DGKB: variants seen among roughly 807,000 people sequenced by gnomAD.
The protein encoded by DGKB is diacylglycerol kinase beta.
Under a neutral mutation model 114.3 loss-of-function variants are expected in DGKB, and 67 were observed. That is an observed-to-expected ratio of 0.59 (90% confidence interval 0.48 to 0.72). The LOEUF (loss-of-function observed/expected upper bound fraction) is 0.72, where lower values mean the gene tolerates loss of function less well. DGKB is among the 30% of genes least tolerant of loss of function. The pLI is 0.00. For missense variants in DGKB, 907 were observed against 975.2 expected (o/e 0.93, Z 0.93); for synonymous variants, 398 against 323.1 (o/e 1.23, Z -2.49).
intron 20 of DGKB, among the ~76,000 whole-genome samples, chr7:14,538,299 A>G (rs1190594141): frequency 4.6e-5 from 7 of 152,066 alleles, no homozygotes; most frequent in Non-Finnish European, 8.8e-5. Flanking sequence ...AAACAACAAA[A>G]TAACCCAGTT....
rs1389915155 is a variant in DGKB at position 14,943,382 on chromosome 7, G to T, written c.-188+31314C>A. On this transcript the variant is annotated intron_variant, in intron 1 of 4. Transcript: ENST00000437998. ...GTCATATTGACATAATAAAACAAAC[G>T]AAGTGTACAATAGATAAAATGATTA... Among the ~76,000 whole-genome samples, 3 of 151,646 alleles carry T rather than the reference G, an allele frequency of 2.0e-5. No individual in the cohort carries two copies. The East Asian group carries it at 5.8e-4, about 29-fold the overall frequency.
chr7:14,410,774 T>C (rs758027776), intron 21 of DGKB, among the ~76,000 whole-genome samples: 1 of 141,740 alleles, frequency 7.1e-6, no homozygotes, highest in Non-Finnish European at 1.5e-5. Context: ...AATGATATTT[T>C]AAAAATTGTA....
chr7:14,181,479 T>C (rs1215563658), intron 23 of DGKB, among the ~76,000 whole-genome samples: 3 of 152,224 alleles, frequency 2.0e-5, no homozygotes, highest in African/African-American at 4.8e-5. Flanking sequence ...CCACAATCCA[T>C]TGGTTATTTA....
At chr7:14,439,796 A>C (rs948809993) in intron 21 of DGKB, among the ~76,000 whole-genome samples, 27 of 150,160 alleles carry the variant, frequency 1.8e-4, no homozygotes, top group African/African-American at 6.6e-4. Flanking sequence ...CCTGGGAGAC[A>C]GAAGTTTCAG....
At position 14,670,336 on chromosome 7, in the gene DGKB, T is replaced by C. The variant is rs928764260; in HGVS notation, c.1134+2593A>G. 2.6e-5 allele frequency among the ~76,000 whole-genome samples: 4 copies of C among 151,604 alleles called. No homozygotes were observed. In the East Asian group the frequency reaches 7.8e-4, roughly 30 times the overall value. ...ATTTTTTTTTGAGACAGAGTCTCAC[T>C]CTGTCACTCAGTCTGGAGTGCAGTG... On this transcript the variant is annotated intron_variant, in intron 13 of 25. Transcript: ENST00000402815.
intron 1 of DGKB, among the ~76,000 whole-genome samples, chr7:14,956,059 A>T (rs2115251641): frequency 1.3e-5 from 2 of 152,110 alleles, no homozygotes; most frequent in Middle Eastern, 6.8e-3. Context: ...CGTGATAACA[A>T]GGTGTATCAA....
intron 2 of DGKB, among the ~76,000 whole-genome samples, chr7:14,769,395 G>A (rs1837075521): frequency 6.6e-6 from 1 of 151,980 alleles, no homozygotes; most frequent in African/African-American, 2.4e-5. Context: ...AATGTGTAAG[G>A]CTAAAGCAGT....
At chr7:14,592,173 T>A (rs992581272) in intron 17 of DGKB, among the ~76,000 whole-genome samples, 2 of 151,830 alleles carry the variant, frequency 1.3e-5, no homozygotes, top group Non-Finnish European at 2.9e-5. Flanking sequence ...GTGAGAGTCA[T>A]AAATATTTTC....
chr7:14,471,766 G>C (rs1563260534), intron 21 of DGKB, among the ~76,000 whole-genome samples: 1 of 151,782 alleles, frequency 6.6e-6, no homozygotes, highest in Non-Finnish European at 1.5e-5. Context: ...AAACTATAAA[G>C]GTAGTAAGAT....
At chr7:14,908,215 A>C, upstream of DGKB, among the ~76,000 whole-genome samples, 1 of 152,120 alleles carries the variant, frequency 6.6e-6, no homozygotes, top group East Asian at 1.9e-4. Flanking sequence ...TTGTGATTTT[A>C]TTTTATTTTT....
chr7:14,782,461 T>G (rs1390436581), intron 2 of DGKB, among the ~76,000 whole-genome samples: 8 of 152,248 alleles, frequency 5.3e-5, no homozygotes, highest in Admixed American at 1.3e-4. Context: ...GTGATAATTT[T>G]ATTTTTTTCA....
chr7:14,650,896 G>A lies in DGKB; in HGVS notation c.1135-20628C>T, dbSNP rs546815188. Among the ~76,000 whole-genome samples, 254 of 152,082 alleles carry A rather than the reference G, an allele frequency of 1.7e-3. 2 individuals are homozygous for A. The highest frequency in any genetic ancestry group is 6.0e-3 in the African/African-American group (248 of 41,450). On this transcript the variant is annotated intron_variant, in intron 13 of 25. Coordinates refer to ENST00000402815, the MANE Select transcript of DGKB (RefSeq NM_001350709.2). ...CTACGCAAATAAACTAGAAAATCTA[G>A]AAGAAATGGATAAACTCCTCGACAC...
chr7:14,344,119 C>T (rs1025005812), intron 22 of DGKB, among the ~76,000 whole-genome samples: 1 of 150,348 alleles, frequency 6.7e-6, no homozygotes, highest in African/African-American at 2.4e-5. Context: ...GTGCATATAT[C>T]ATACATATAC....
At chr7:14,847,541 A>C (rs557101389) in intron 1 of DGKB, among the ~76,000 whole-genome samples, 2 of 152,366 alleles carry the variant, frequency 1.3e-5, no homozygotes, top group South Asian at 4.1e-4. Flanking sequence ...GACCCAATGA[A>C]TGAGATGCAA....
At chr7:14,769,127 G>A (rs4380828) in intron 2 of DGKB, among the ~76,000 whole-genome samples, 6,190 of 63,124 alleles carry the variant, frequency 0.098, 288 homozygotes, top group African/African-American at 0.24. Context: ...GAAAGAAAGA[G>A]AGAGAGAGAA....
chr7:14,845,778 G>C (rs1222718612), intron 1 of DGKB, among the ~76,000 whole-genome samples: 1 of 151,674 alleles, frequency 6.6e-6, no homozygotes, highest in Non-Finnish European at 1.5e-5. Flanking sequence ...GTCACTCTGG[G>C]TTTCAGTTTT....
chr7:14,315,699 C>T (rs1417774598), intron 23 of DGKB, among the ~76,000 whole-genome samples: 1 of 149,850 alleles, frequency 6.7e-6, no homozygotes, highest in African/African-American at 2.5e-5. Context: ...CTTTAACACC[C>T]CACTGTCAAC....
intron 21 of DGKB, among the ~76,000 whole-genome samples, chr7:14,435,200 T>C (rs996950989): frequency 5.9e-5 from 9 of 152,158 alleles, no homozygotes; most frequent in African/African-American, 2.2e-4. Flanking sequence ...AGCATTGCTC[T>C]CACTTGTTTT....
At chr7:14,642,494 C>A (rs117903195) in intron 13 of DGKB, among the ~76,000 whole-genome samples, 1 of 152,120 alleles carries the variant, frequency 6.6e-6, no homozygotes, top group Admixed American at 6.5e-5. Flanking sequence ...TACAACTACA[C>A]CGATTATTGC....
Sources: allele counts gnomAD v4.1 joint callset (sites outside exome capture counted in the v4.1 genomes callset), GRCh38; gene constraint gnomAD v4.1.1; transcripts MANE v1.5; gene names NCBI Gene and HGNC (gene_info 2026-07-23, HGNC 2026-07-21).